The following KIAA1549 variants were observed in gnomAD, a reference collection of about 807,000 sequenced individuals.
KIAA1549 encodes the protein KIAA1549.
In KIAA1549, 70 loss-of-function variants were observed where a neutral mutation model predicts 156.4. The observed-to-expected ratio is 0.45, with a 90% CI of 0.37 to 0.55. The LOEUF (loss-of-function observed/expected upper bound fraction) is 0.55, where lower values mean the gene tolerates loss of function less well. KIAA1549 is among the 20% of genes least tolerant of loss of function. The probability of loss-of-function intolerance (pLI) is 0.00; values close to 1 mark genes in which losing one functional copy is unlikely to be tolerated. For missense variants in KIAA1549, 2,428 were observed against 2,540.9 expected, an observed-to-expected ratio of 0.96 and a Z score of 0.96; for synonymous variants, 1,103 against 1,066.4, an observed-to-expected ratio of 1.03 and a Z score of -0.67.
intron 1 of KIAA1549, among the ~76,000 whole-genome samples, chr7:138,934,784 T>G (rs1812962451): frequency 6.6e-6 from 1 of 152,136 alleles, no homozygotes; most frequent in Non-Finnish European, 1.5e-5. Flanking sequence ...TCTCTAACCC[T>G]CAAACCATAA....
At chr7:138,896,930 A>G (rs573575521) in intron 9 of KIAA1549, among the ~76,000 whole-genome samples, 5 of 152,170 alleles carry the variant, frequency 3.3e-5, no homozygotes, top group Admixed American at 1.3e-4. Flanking sequence ...GAAAACCCTG[A>G]TGAGGCAGAG....
intron 15 of KIAA1549, among the ~76,000 whole-genome samples, chr7:138,861,690 TAAAAAAAAAAAA>T (rs1195358738): frequency 1.1e-5 from 1 of 90,270 alleles, no homozygotes; most frequent in African/African-American, 4.1e-5. Context: ...CCCCCATCTC[TAAAAAAAAAAAA>T]AAAGAAAAAA....
chr7:138,975,005 T>G (rs1814330986), intron 1 of KIAA1549, among the ~76,000 whole-genome samples: 1 of 151,828 alleles, frequency 6.6e-6, no homozygotes, highest in African/African-American at 2.4e-5. Flanking sequence ...TTCCCAAACC[T>G]CAATTGTGCA....
intron 1 of KIAA1549, among the ~76,000 whole-genome samples, chr7:138,947,407 T>C (rs1343483582): frequency 6.6e-6 from 1 of 152,130 alleles, no homozygotes; most frequent in Non-Finnish European, 1.5e-5. Context: ...TAGTAACATG[T>C]GGAGCTGGGG....
At chr7:138,857,792 T>C (rs1006346695) in intron 16 of KIAA1549, among the ~76,000 whole-genome samples, 1 of 152,258 alleles carries the variant, frequency 6.6e-6, no homozygotes, top group Non-Finnish European at 1.5e-5. Context: ...AATATTAACA[T>C]AGCCATTCCA....
rs781506152 is a variant in KIAA1549 at position 138,844,458 on chromosome 7, C to T, written c.5311G>A (p.Gly1771Ser). The change falls in exon 18 of 20, where the codon GGT (glycine) becomes AGT (serine). Residue 1771 changes from glycine (G) to serine (S), a missense_variant. Gly to Ser is a moderately conservative substitution (Grantham distance 56). Coordinates refer to ENST00000422774, the MANE Select transcript of KIAA1549 (RefSeq NM_001164665.2). ...ACCAGCTCTGTAGACTGCAGCAAAC[C>T]GGGGCCAAAACCTGGTCTGAAGGCA... ...GPLPRPGFGP[G>S]LLQSTELVPP... The T allele has an allele frequency of 2.0e-6, 3 of 1,536,456 alleles. No individual in the cohort carries two copies. The highest frequency in any genetic ancestry group is 1.3e-5 in the South Asian group (1 of 77,662).
chr7:138,918,135 G>A lies in KIAA1549; in HGVS notation c.1491C>T (p.Ser497=). 1 of 1,613,950 alleles carries A rather than the reference G, an allele frequency of 6.2e-7. No individual in the cohort carries two copies. Among genetic ancestry groups the A allele is most frequent in the Middle Eastern group, 1.6e-4 (1 of 6,062 alleles). ...CAACACTCGTCTCTGAGATTTCCAT[G>A]GATCTAGAAGAAAGTGGGACGATAG... ...SRPIVPLSSR[S]MEISETSVGI... is the part of the protein sequence containing the mutation. Residue 497 remains serine (S), a synonymous_variant, in exon 2 of 20, where the codon TCC becomes TCT. Coordinates refer to ENST00000422774, the MANE Select transcript of KIAA1549 (RefSeq NM_001164665.2). This position sits in a 1 kb window ranked among gnomAD's most constrained non-coding sequence, Gnocchi z 4.2.
In KIAA1549 at chr7:138,919,297, G is replaced by A. The variant is rs747974436; in HGVS notation, c.329C>T (p.Thr110Ile). The change falls in exon 2 of 20, where the codon ACA becomes ATA. Residue 110 changes from threonine to isoleucine, a missense_variant. Physicochemically the swap from Thr to Ile is moderately conservative, Grantham distance 89. Coordinates refer to ENST00000422774, the MANE Select transcript of KIAA1549 (RefSeq NM_001164665.2). ...GSQHSSPLHV[T>I]APPSATTFDT... ...AAAAGTAGTGGCAGACGGCGGGGCT[G>A]TGACATGGAGAGGACTGCTGTGCTG... The A allele has an allele frequency of 1.9e-6, 3 of 1,614,044 alleles. No individual in the cohort carries two copies. The highest frequency in any genetic ancestry group is 4.5e-5 in the East Asian group (2 of 44,880).
At position 138,837,621 on chromosome 7, in the gene KIAA1549, T is replaced by G; in HGVS notation, c.*285A>C. The stretch of plus-strand genomic sequence containing the variant: ...TAAAAAAGAGACGAATGCAGTCATT[T>G]TGTTAGCTTAGGTTTGTGTTTTGTT... On this transcript the variant is annotated 3_prime_UTR_variant, in exon 20 of 20. Transcript: ENST00000422774. 1 of 540,046 alleles carries G rather than the reference T, an allele frequency of 1.9e-6. No homozygotes were observed. The allele number at this position is 540,046 out of a possible 1,614,324, so 33.5% of individuals were successfully genotyped here.
intron 15 of KIAA1549, among the ~76,000 whole-genome samples, chr7:138,864,777 G>A (rs1172060728): frequency 1.3e-5 from 2 of 152,114 alleles, no homozygotes; most frequent in Non-Finnish European, 2.9e-5. Context: ...TGTCTGGATT[G>A]GATGACAAAT....
At chr7:138,924,000 A>G (rs1563080040) in intron 1 of KIAA1549, among the ~76,000 whole-genome samples, 1 of 152,234 alleles carries the variant, frequency 6.6e-6, no homozygotes, top group Non-Finnish European at 1.5e-5. Flanking sequence ...AAGATTTTTT[A>G]ATCGATATTT....
At chr7:138,931,716 T>C (rs1038727929) in intron 1 of KIAA1549, among the ~76,000 whole-genome samples, 9 of 139,736 alleles carry the variant, frequency 6.4e-5, no homozygotes, top group African/African-American at 2.2e-4. Flanking sequence ...TGTACCACTG[T>C]ACTCCAGCCT....
Position 138,906,877 on chromosome 7 carries a change from C to T in KIAA1549, c.3460+42G>A, listed in dbSNP as rs754951273. 16 of 1,347,590 alleles carry T rather than the reference C, an allele frequency of 1.2e-5. No individual in the cohort carries two copies. The East Asian group carries it at 4.3e-4, about 36-fold the overall frequency. The allele number at this position is 1,347,590 out of a possible 1,614,324, so 83.5% of individuals were successfully genotyped here. On this transcript the variant is annotated intron_variant, in intron 6 of 19. Coordinates refer to ENST00000422774, the MANE Select transcript of KIAA1549 (RefSeq NM_001164665.2). ...AGAAGAGGTCTTCCACCAAAAATGC[C>T]CGCCATCACCTCCCCAGCATGTCCA...
intron 12 of KIAA1549, among the ~76,000 whole-genome samples, chr7:138,876,872 C>G (rs1811099338): frequency 6.6e-6 from 1 of 152,200 alleles, no homozygotes; most frequent in Non-Finnish European, 1.5e-5. Context: ...GTGTCAGGGC[C>G]TAGTCACCTT....
chr7:138,977,171 T>G (rs952293499), intron 1 of KIAA1549, among the ~76,000 whole-genome samples: 1 of 152,158 alleles, frequency 6.6e-6, no homozygotes, highest in African/African-American at 2.4e-5. Flanking sequence ...TTCAAAATTA[T>G]GTAAAATTTA....
intron 18 of KIAA1549, 145 bp downstream of exon 18, chr7:138,844,172 T>A (rs948399373): frequency 2.2e-6 from 2 of 904,432 alleles, no homozygotes; most frequent in African/African-American, 1.7e-5. Flanking sequence ...TCCGCCTCCA[T>A]CTCGGTCAGG....
chr7:138,903,851 G>C (rs892563736), intron 7 of KIAA1549, 115 bp from the exon 8 acceptor site: 22 of 439,364 alleles, frequency 5.0e-5, no homozygotes, highest in African/African-American at 1.4e-4. Context: ...GTGTGTGTGT[G>C]TGCGCGCGCG....
chr7:138,920,788 C>A (rs1245410769), intron 1 of KIAA1549, among the ~76,000 whole-genome samples: 2 of 152,180 alleles, frequency 1.3e-5, no homozygotes, highest in African/African-American at 2.4e-5. Context: ...TCAGAACATA[C>A]CTGTGTGAAA....
intron 12 of KIAA1549, among the ~76,000 whole-genome samples, chr7:138,871,904 G>T (rs1056922110): frequency 6.6e-6 from 1 of 152,198 alleles, no homozygotes; most frequent in Non-Finnish European, 1.5e-5. Flanking sequence ...GTTCTGATGT[G>T]GAAAGAAAAC....
Sources: gnomAD v4.1 joint callset for allele counts (sites outside exome capture counted in the v4.1 genomes callset) on GRCh38, gnomAD v4.1.1 for gene constraint, Gnocchi (gnomAD v3.1) non-coding constraint, MANE v1.5 for transcripts, NCBI Gene and HGNC (gene_info 2026-07-23, HGNC 2026-07-21) for gene names.